Variants in RYR3 observed in about 807,000 individuals in gnomAD.
RYR3 encodes ryanodine receptor 3, also known as brain ryanodine receptor-calcium release channel.
Under a neutral mutation model 584.3 loss-of-function variants are expected in RYR3, and 207 were observed. That is an observed-to-expected ratio of 0.35 (90% confidence interval 0.32 to 0.40). The LOEUF (loss-of-function observed/expected upper bound fraction) is 0.40. Among genes scored for constraint, RYR3 ranks in the 10% least tolerant of loss-of-function variants. RYR3 has a pLI of 1.00. For missense variants in RYR3, 5,616 were observed against 6,089.2 expected (o/e 0.92, Z 2.59); for synonymous variants, 2,416 against 2,248.5 (o/e 1.07, Z -2.11).
intron 24 of RYR3, 101 bp from the exon 25 acceptor site, chr15:33,634,485 C>A (rs894723305): frequency 7.5e-6 from 9 of 1,196,720 alleles, no homozygotes; most frequent in Non-Finnish European, 1.1e-5. Flanking sequence ...AGACCTAGAG[C>A]GACCAGAAAG....
rs185109544 is a variant in RYR3 at position 33,622,051 on chromosome 15, G to A, written c.2358-1756G>A. Among the ~76,000 whole-genome samples, 486 of 152,240 alleles carry A rather than the reference G, an allele frequency of 3.2e-3. 1 individual carries two copies. The highest frequency in any genetic ancestry group is 4.6e-3 in the Non-Finnish European group (316 of 68,026). On this transcript the variant is annotated intron_variant, in intron 19 of 103. Coordinates refer to ENST00000634891, the MANE Select transcript of RYR3 (RefSeq NM_001036.6). ...CAACAAAACTGGAAGTGGCTGCTTG[G>A]ATCACCTCCGTCCAACCCACCATTA...
intron 25 of RYR3, 55 bp from the exon 26 acceptor site, chr15:33,635,559 T>G: frequency 7.4e-7 from 1 of 1,347,288 alleles, no homozygotes; most frequent in Non-Finnish European, 1.1e-6. Flanking sequence ...TTATTGAAGG[T>G]CTACGTTCTC....
rs71117147 is a variant in RYR3, at chr15:33,554,291, C to CTT, written c.972+3995_972+3996dup. ...TCCATTTCATTCTAACCTCCATTAT[C>CTT]TTTTTTTTTTTTTTTTTTTTTGAGG... On this transcript the variant is annotated intron_variant, in intron 10 of 103. Coordinates refer to ENST00000634891, the MANE Select transcript of RYR3 (RefSeq NM_001036.6). Among the ~76,000 whole-genome samples the CTT allele has an allele frequency of 5.5e-3, 699 of 126,480 alleles. 8 individuals are homozygous for CTT. Among genetic ancestry groups the CTT allele is most frequent in the African/African-American group, 0.018 (585 of 32,938 alleles). The allele number at this position is 126,480 out of a possible 152,430, so 83.0% of individuals were successfully genotyped here.
At position 33,865,163 on chromosome 15, in the gene RYR3, G is replaced by C; in HGVS notation, c.14550G>C (p.Arg4850Ser). 6.2e-7 allele frequency: 1 copy of C among 1,613,724 alleles called. No individual in the cohort carries two copies. The highest frequency in any genetic ancestry group is 8.5e-7 in the Non-Finnish European group (1 of 1,179,742). ...ATGTCTGGAAGATGTACCAAGAAAGGTGTTGGGATTTCTTCCCAGCCGGTG... is the reference window on the plus strand; with the variant it reads ...ATGTCTGGAAGATGTACCAAGAAAGCTGTTGGGATTTCTTCCCAGCCGGTG... ...ESYVWKMYQERCWDFFPAGDC... is the reference protein window; with the variant it reads ...ESYVWKMYQESCWDFFPAGDC... The change falls in exon 104 of 104, where the codon AGG (arginine) becomes AGC (serine). Residue 4850 changes from arginine to serine, a missense_variant. Arg to Ser is a moderately radical substitution (Grantham distance 110, BLOSUM62 -1). This residue lies in a region of RYR3 where 918 missense variants were observed against 887.4 expected (regional missense o/e 1.03). Transcript: ENST00000634891.
At chr15:33,613,656 T>A (rs572943356) in intron 19 of RYR3, among the ~76,000 whole-genome samples, 1 of 152,350 alleles carries the variant, frequency 6.6e-6, no homozygotes, top group Admixed American at 6.5e-5. Context: ...TACATGCTCA[T>A]TATAAGAAAA....
At chr15:33,799,738 A>G (rs945438981) in intron 67 of RYR3, among the ~76,000 whole-genome samples, 2 of 152,212 alleles carry the variant, frequency 1.3e-5, no homozygotes, top group African/African-American at 4.8e-5. Context: ...GGGACTTGAG[A>G]CCGGCATCTG....
At chr15:33,696,119 A>G (rs1368503955) in intron 38 of RYR3, 99 bp from the exon 39 acceptor site, 8 of 1,191,072 alleles carry the variant, frequency 6.7e-6, no homozygotes, top group Non-Finnish European at 9.4e-6. Context: ...TGTAACCTCA[A>G]CCAATGATGT....
chr15:33,754,979 A>T, intron 57 of RYR3, 86 bp from the exon 58 acceptor site: 1 of 719,076 alleles, frequency 1.4e-6, no homozygotes, highest in Non-Finnish European at 2.5e-6. Flanking sequence ...TTTGGAAATT[A>T]AATTCAACAC....
intron 18 of RYR3, among the ~76,000 whole-genome samples, chr15:33,604,296 A>G (rs2059807917): frequency 6.6e-6 from 1 of 152,236 alleles, no homozygotes; most frequent in South Asian, 2.1e-4. Context: ...TGGTAGCTAC[A>G]TAACTTATCG....
intron 1 of RYR3, among the ~76,000 whole-genome samples, chr15:33,445,664 A>AACACACACAC (rs61585713): frequency 0.064 from 6,764 of 105,960 alleles, 536 homozygotes; most frequent in Non-Finnish European, 0.073. Flanking sequence ...TTCCCCCACC[A>AACACACACAC]ACACACACAC....
chr15:33,852,991 T>G (rs1164803083), intron 94 of RYR3, 54 bp from the exon 95 acceptor site: 2 of 1,470,662 alleles, frequency 1.4e-6, no homozygotes, highest in Non-Finnish European at 1.9e-6. Context: ...TTTCTTGATG[T>G]GTTTTCCTTG....
intron 99 of RYR3, 49 bp downstream of exon 99, chr15:33,857,963 C>T (rs752373819): frequency 1.2e-6 from 2 of 1,606,250 alleles, no homozygotes; most frequent in South Asian, 2.2e-5. Flanking sequence ...CGGGGCCACC[C>T]CGCCCCACCA....
At chr15:33,554,016 C>T (rs143715928) in intron 10 of RYR3, among the ~76,000 whole-genome samples, 1 of 152,270 alleles carries the variant, frequency 6.6e-6, no homozygotes, top group Non-Finnish European at 1.5e-5. Flanking sequence ...ACGCCTTTTG[C>T]CCCTCTGCAC....
intron 10 of RYR3, among the ~76,000 whole-genome samples, chr15:33,556,369 C>G (rs1287489526): frequency 6.6e-6 from 1 of 152,190 alleles, no homozygotes; most frequent in Non-Finnish European, 1.5e-5. Context: ...TTCTAAGATG[C>G]AACTCTGTGT....
At chr15:33,409,424 C>T (rs770903600) in intron 1 of RYR3, among the ~76,000 whole-genome samples, 2 of 151,954 alleles carry the variant, frequency 1.3e-5, no homozygotes, top group Non-Finnish European at 2.9e-5. Context: ...CAGCTCTCTA[C>T]TCTCTGATAC....
chr15:33,593,332 T>G (rs8033631), intron 16 of RYR3, among the ~76,000 whole-genome samples: 36,798 of 152,034 alleles, frequency 0.24, 4,830 homozygotes, highest in Admixed American at 0.31. Flanking sequence ...TTTCATCTGA[T>G]CTCTCATAGC....
chr15:33,525,147 C>G (rs2054296167), intron 3 of RYR3, among the ~76,000 whole-genome samples: 1 of 152,202 alleles, frequency 6.6e-6, no homozygotes. Context: ...GTGGATCTTA[C>G]TGAAAGCTTT....
In RYR3 at chr15:33,865,114, T is replaced by TG; in HGVS notation, c.14518-16dup. ...CTGTGGTTTAAAAATAAGCACCCGTTGTTCATATTATTTCAGGAATCTTAT... is the reference window on the plus strand; with the variant it reads ...CTGTGGTTTAAAAATAAGCACCCGTTGGTTCATATTATTTCAGGAATCTTAT... On this transcript the variant is annotated splice_polypyrimidine_tract_variant and intron_variant, in intron 103 of 103. Coordinates refer to ENST00000634891, the MANE Select transcript of RYR3 (RefSeq NM_001036.6). 1 of 1,591,330 alleles carries TG rather than the reference T, an allele frequency of 6.3e-7. No individual in the cohort carries two copies. The highest frequency in any genetic ancestry group is 8.6e-7 in the Non-Finnish European group (1 of 1,160,436).
At chr15:33,734,990 C>T (rs908221049) in intron 48 of RYR3, among the ~76,000 whole-genome samples, 5 of 150,306 alleles carry the variant, frequency 3.3e-5, no homozygotes, top group African/African-American at 4.9e-5. Context: ...CGCGCCTGGC[C>T]GAGAAATTGG....
Sources: allele counts gnomAD v4.1 joint callset (sites outside exome capture counted in the v4.1 genomes callset), GRCh38; gene constraint gnomAD v4.1.1; regional missense constraint gnomAD v4.1.1; transcripts MANE v1.5; gene names NCBI Gene and HGNC (gene_info 2026-07-23, HGNC 2026-07-21).